The following TG variants were observed in gnomAD, a reference collection of about 807,000 sequenced individuals.
The protein encoded by TG is thyroid hormones.
A neutral mutation model predicts 324.7 loss-of-function variants in TG; 270 were observed. The observed-to-expected ratio is 0.83, with a 90% CI of 0.75 to 0.92. The LOEUF is 0.92. Among genes scored for constraint, TG ranks in the 40% least tolerant of loss-of-function variants. The pLI, the probability that TG is intolerant of heterozygous loss-of-function variation, is 0.00. For synonymous variants in TG, 1,401 were observed against 1,327.0 expected (o/e 1.06, Z -1.21); for missense variants, 3,591 against 3,456.4 (o/e 1.04, Z -0.98).
intron 35 of TG, chr8:132,983,740 G>A (rs17693374): frequency 0.053 from 22,531 of 427,834 alleles, 774 homozygotes; most frequent in Middle Eastern, 0.078. Context: ...CACACAATCC[G>A]GAGGCAATGT....
Position 132,871,355 on chromosome 8 carries a change from A to G in TG, c.282A>G (p.Ser94=), listed in dbSNP as rs750309215. 1.4e-5 allele frequency: 23 copies of G among 1,614,064 alleles called. No homozygotes were observed. The highest frequency in any genetic ancestry group is 1.8e-5 in the Non-Finnish European group (21 of 1,180,034). ...RQPGRPVACL[S]FCQLQKQQIL... ...TGCTCCTTGTACCCACAGGTCTGTC[A>G]TTTTGTCAGCTACAGAAACAGCAGA... The change falls in exon 4 of 48, where the codon TCA becomes TCG. Residue 94 remains serine (S), a synonymous_variant. Transcript: ENST00000220616.
chr8:133,046,972 C>T (rs148915474), intron 41 of TG: 18 of 152,236 alleles, frequency 1.2e-4, no homozygotes, highest in Non-Finnish European at 2.5e-4. Flanking sequence ...AGAAGCAAGC[C>T]AAGAACTTGA....
intron 41 of TG, among the ~76,000 whole-genome samples, chr8:133,079,616 A>T (rs1281608673): frequency 6.6e-6 from 1 of 152,200 alleles, no homozygotes; most frequent in Admixed American, 6.5e-5. Context: ...TTGCAGCCCC[A>T]TGCTGGGTCA....
intron 17 of TG, among the ~76,000 whole-genome samples, chr8:132,907,739 A>G (rs1048888059): frequency 6.6e-6 from 1 of 152,210 alleles, no homozygotes; most frequent in Non-Finnish European, 1.5e-5. Context: ...CTTTGGGGAA[A>G]AGAGGCACAA....
chr8:133,024,617 A>G (rs1022477482), intron 40 of TG, among the ~76,000 whole-genome samples: 1 of 147,036 alleles, frequency 6.8e-6, no homozygotes. Flanking sequence ...GTGTCCATGT[A>G]TTCTCAGTGT....
chr8:133,056,818 T>C (rs1294003277), intron 41 of TG, among the ~76,000 whole-genome samples: 4 of 152,308 alleles, frequency 2.6e-5, no homozygotes, highest in Non-Finnish European at 5.9e-5. Flanking sequence ...TCTCTCGTTG[T>C]GTGTCAGTGC....
At chr8:133,055,361 G>GCACACA (rs746605171) in intron 41 of TG, among the ~76,000 whole-genome samples, 1 of 131,658 alleles carries the variant, frequency 7.6e-6, no homozygotes, top group Non-Finnish European at 1.7e-5. Flanking sequence ...ACACACGCAC[G>GCACACA]CGCGCACACA....
chr8:132,961,465 C>T (rs138412892), intron 28 of TG, among the ~76,000 whole-genome samples: 2 of 152,314 alleles, frequency 1.3e-5, no homozygotes, highest in South Asian at 2.1e-4. Context: ...GGACCCCAGG[C>T]AGGTAGTGCC....
In TG at chr8:132,906,885, C is replaced by T. The variant is rs143750687; in HGVS notation, c.3832C>T (p.Pro1278Ser). 1.6e-4 allele frequency: 260 copies of T among 1,612,384 alleles called. No individual in the cohort carries two copies. Among genetic ancestry groups the T allele is most frequent in the Non-Finnish European group, 2.1e-4 (252 of 1,179,418 alleles). ...ACGCTGGGAGTCACAGCTGCCTCAG[C>T]CCCGGGCCTGCCAACGTGAGTGGCA... ...SGRWESQLPQPRACQRPQLWQ... is the reference protein window; with the variant it reads ...SGRWESQLPQSRACQRPQLWQ... Residue 1278 changes from proline (P) to serine (S), a missense_variant, in exon 17 of 48, where the codon CCC (proline) becomes TCC (serine). Physicochemically the swap from Pro to Ser is moderately conservative, Grantham distance 74. Coordinates refer to ENST00000220616, the MANE Select transcript of TG (RefSeq NM_003235.5).
At chr8:133,079,489 GT>G (rs1845421510) in intron 41 of TG, among the ~76,000 whole-genome samples, 1 of 151,970 alleles carries the variant, frequency 6.6e-6, no homozygotes, top group Non-Finnish European at 1.5e-5. Flanking sequence ...GTGTTGATGG[GT>G]TTCCCAGGGG....
At chr8:133,079,265 G>A (rs889652197) in intron 41 of TG, among the ~76,000 whole-genome samples, 2 of 152,192 alleles carry the variant, frequency 1.3e-5, no homozygotes, top group Non-Finnish European at 2.9e-5. Context: ...CTGATTTCCA[G>A]AGGGCTTTGC....
At chr8:132,908,399 A>G in intron 18 of TG, 59 bp downstream of exon 18, 4 of 1,496,730 alleles carry the variant, frequency 2.7e-6, no homozygotes, top group Non-Finnish European at 3.6e-6. Flanking sequence ...TTACGGTGTC[A>G]GAAAACCTGA....
intron 41 of TG, among the ~76,000 whole-genome samples, chr8:133,048,136 G>A (rs758354230): frequency 1.3e-5 from 2 of 152,210 alleles, no homozygotes; most frequent in South Asian, 2.1e-4. Flanking sequence ...CATGTCAGCA[G>A]TTGATAGAGT....
chr8:132,913,211 G>A lies in TG; in HGVS notation c.4324G>A (p.Glu1442Lys). ...TSPRTWFGCSEGFYQVLTSEA... is the reference protein window; with the variant it reads ...TSPRTWFGCSKGFYQVLTSEA... ...TCCCAGGACATGGTTTGGGTGCTCGGAAGGATTCTACCAAGTCTTGACAAG... is the reference window on the plus strand; with the variant it reads ...TCCCAGGACATGGTTTGGGTGCTCGAAAGGATTCTACCAAGTCTTGACAAG... Residue 1442 changes from glutamate to lysine, a missense_variant, in exon 20 of 48, where the codon GAA becomes AAA. Transcript: ENST00000220616. 1 of 1,614,160 alleles carries A rather than the reference G, an allele frequency of 6.2e-7. No individual in the cohort carries two copies. Among genetic ancestry groups the A allele is most frequent in the South Asian group, 1.1e-5 (1 of 91,080 alleles).
At chr8:133,082,303 G>A (rs1231936172) in intron 41 of TG, among the ~76,000 whole-genome samples, 1 of 152,112 alleles carries the variant, frequency 6.6e-6, no homozygotes, top group East Asian at 1.9e-4. Context: ...AGCTAGCTTT[G>A]GCACTTTGCA....
chr8:132,908,056 A>C, intron 17 of TG, 130 bp from the exon 18 acceptor site: 1 of 1,034,768 alleles, frequency 9.7e-7, no homozygotes, highest in Non-Finnish European at 1.5e-6. Context: ...TCAGAATGAC[A>C]ATGCAAAATG....
intron 20 of TG, among the ~76,000 whole-genome samples, chr8:132,916,474 C>T (rs1820300301): frequency 6.6e-6 from 1 of 152,230 alleles, no homozygotes; most frequent in African/African-American, 2.4e-5. Context: ...CCCTTGAAAA[C>T]ATATCTGGGA....
intron 23 of TG, 135 bp from the exon 24 acceptor site, chr8:132,933,426 C>T: frequency 1.6e-6 from 1 of 621,566 alleles, no homozygotes. Flanking sequence ...ATTTGTGTAT[C>T]TGCATATTTG....
chr8:132,948,314 CG>C (rs1825639256), intron 26 of TG, among the ~76,000 whole-genome samples: 1 of 150,480 alleles, frequency 6.6e-6, no homozygotes, highest in South Asian at 2.2e-4. Context: ...AGAGTGAGAG[CG>C]AGAGCGAGAG....
Sources: allele counts gnomAD v4.1 joint callset (sites outside exome capture counted in the v4.1 genomes callset), GRCh38; gene constraint gnomAD v4.1.1; transcripts MANE v1.5; gene names NCBI Gene and HGNC (gene_info 2026-07-23, HGNC 2026-07-21).